GRIP1: variants seen among roughly 807,000 people sequenced by gnomAD.
GRIP1 encodes glutamate receptor interacting protein 1, also known as glutamate receptor-interacting protein 1.
In GRIP1, 45 loss-of-function variants were observed where a neutral mutation model predicts 129.9. The observed-to-expected ratio is 0.35, with a 90% CI of 0.27 to 0.44. The LOEUF (loss-of-function observed/expected upper bound fraction) is 0.44. Ranked by LOEUF, GRIP1 falls within the 20% of genes least tolerant of loss-of-function variation. The pLI is 1.00. For missense variants in GRIP1, 1,196 were observed against 1,396.8 expected (o/e 0.86, Z 2.29); for synonymous variants, 530 against 520.8 (o/e 1.02, Z -0.24).
At chr12:66,406,557 G>A (rs534924703) in intron 15 of GRIP1, 129 bp from the exon 16 acceptor site, 1 of 910,624 alleles carries the variant, frequency 1.1e-6, no homozygotes, top group African/African-American at 1.6e-5. Context: ...TTTTTAAATT[G>A]TACTTCATTG....
At chr12:66,640,631 AAAG>A (rs1342260300) in intron 1 of GRIP1, among the ~76,000 whole-genome samples, 15 of 152,156 alleles carry the variant, frequency 9.9e-5, no homozygotes, top group African/African-American at 3.4e-4. Flanking sequence ...CATTCTTGAG[AAAG>A]AAGAACAACT....
intron 1 of GRIP1, among the ~76,000 whole-genome samples, chr12:66,824,270 T>C (rs2039370902): frequency 6.6e-6 from 1 of 152,100 alleles, no homozygotes; most frequent in Admixed American, 6.6e-5. Flanking sequence ...AAAGAAGCAG[T>C]AGTTACTGGT....
intron 1 of GRIP1, among the ~76,000 whole-genome samples, chr12:66,793,672 G>A (rs1432633937): frequency 2.6e-5 from 4 of 152,120 alleles, no homozygotes; most frequent in Non-Finnish European, 5.9e-5. Context: ...CCCATCACGA[G>A]GATGGAGGCT....
At chr12:66,354,099 G>T (rs915865319) in intron 23 of GRIP1, among the ~76,000 whole-genome samples, 2 of 152,158 alleles carry the variant, frequency 1.3e-5, no homozygotes, top group Non-Finnish European at 2.9e-5. Flanking sequence ...CTATGTAAAA[G>T]ACCTGAATGT....
chr12:66,455,474 T>C lies in GRIP1; in HGVS notation c.1289A>G (p.Tyr430Cys), dbSNP rs1290890672. The change falls in exon 11 of 25, where the codon TAC (tyrosine) becomes TGC (cysteine). Residue 430 changes from tyrosine (Y) to cysteine (C), a missense_variant. By Grantham distance (194) the Tyr-to-Cys change is radical. Around this residue, in one of 5 missense-constraint regions of GRIP1, gnomAD observed 508 missense variants for 587.0 expected, o/e 0.87. Coordinates refer to ENST00000359742, the MANE Select transcript of GRIP1 (RefSeq NM_001366722.1). ...LNMGTLPRSL[Y>C]STSPRGTMMR... The stretch of plus-strand genomic sequence containing the variant: ...CATGGTTCCACGTGGGCTGGTGGAG[T>C]AGAGGCTTCGAGGTAGAGTCCCCAT... 1 of 1,613,470 alleles carries C rather than the reference T, an allele frequency of 6.2e-7. No homozygotes were observed. The highest frequency in any genetic ancestry group is 1.3e-5 in the African/African-American group (1 of 74,808).
chr12:66,690,371 TACACACACACAC>T (rs112206335), intron 1 of GRIP1, among the ~76,000 whole-genome samples: 3 of 147,792 alleles, frequency 2.0e-5, no homozygotes, highest in Admixed American at 2.0e-4. Flanking sequence ...TCAATAATAT[TACACACACACAC>T]ACACACACAC....
rs564348691 is a variant in GRIP1, at chr12:66,554,579, G to A, written c.137-12629C>T. ...GTTTGGCCACAGGGGAGTAGAGCAC[G>A]AAGTGGGCCATTGGGGTTCCCATTC... On this transcript the variant is annotated intron_variant, in intron 2 of 24. Coordinates refer to ENST00000359742, the MANE Select transcript of GRIP1 (RefSeq NM_001366722.1). Among the ~76,000 whole-genome samples, 309 of 152,186 alleles carry A rather than the reference G, an allele frequency of 2.0e-3. 1 individual carries two copies. Among genetic ancestry groups the A allele is most frequent in the African/African-American group, 7.0e-3 (291 of 41,526 alleles).
At chr12:66,598,429 C>A (rs1000508186) in intron 1 of GRIP1, among the ~76,000 whole-genome samples, 2 of 152,194 alleles carry the variant, frequency 1.3e-5, no homozygotes, top group Non-Finnish European at 2.9e-5. Flanking sequence ...GATACCAATT[C>A]AATCAATATC....
At chr12:66,782,283 T>G (rs1161969534) in intron 1 of GRIP1, among the ~76,000 whole-genome samples, 1 of 152,286 alleles carries the variant, frequency 6.6e-6, no homozygotes, top group Non-Finnish European at 1.5e-5. Context: ...AGATCGGATT[T>G]TCAAGCCCTC....
intron 1 of GRIP1, among the ~76,000 whole-genome samples, chr12:66,607,863 T>C (rs1394378855): frequency 6.6e-6 from 1 of 152,210 alleles, no homozygotes; most frequent in Non-Finnish European, 1.5e-5. Context: ...TCATCCCTCC[T>C]GGCCTTGGAT....
At chr12:66,752,285 C>T (rs1425603340) in intron 1 of GRIP1, among the ~76,000 whole-genome samples, 4 of 152,084 alleles carry the variant, frequency 2.6e-5, no homozygotes, top group Non-Finnish European at 5.9e-5. Context: ...TATCAAATAC[C>T]TACATAGTCC....
chr12:66,442,063 C>T (rs2058485094), intron 13 of GRIP1, among the ~76,000 whole-genome samples: 1 of 152,302 alleles, frequency 6.6e-6, no homozygotes. Flanking sequence ...GGTTTTTCTG[C>T]TTCTGCTATT....
intron 1 of GRIP1, among the ~76,000 whole-genome samples, chr12:66,926,669 A>G (rs1592353162): frequency 6.6e-6 from 1 of 152,208 alleles, no homozygotes; most frequent in East Asian, 1.9e-4. Context: ...TAGGCCTTCA[A>G]GTTATTTTCC....
chr12:66,966,373 C>A (rs2041998647), intron 1 of GRIP1, among the ~76,000 whole-genome samples: 1 of 152,048 alleles, frequency 6.6e-6, no homozygotes, highest in South Asian at 2.1e-4. Flanking sequence ...ACAGTTTCAC[C>A]TATTTGTTTC....
chr12:66,519,285 T>C (rs2060934420), intron 5 of GRIP1, among the ~76,000 whole-genome samples: 1 of 152,236 alleles, frequency 6.6e-6, no homozygotes, highest in Non-Finnish European at 1.5e-5. Flanking sequence ...TTTAGCTTCT[T>C]TAGAAATTCC....
At chr12:66,739,045 A>G (rs547231365) in intron 1 of GRIP1, among the ~76,000 whole-genome samples, 17 of 152,278 alleles carry the variant, frequency 1.1e-4, no homozygotes, top group Non-Finnish European at 2.1e-4. Context: ...AAGTCAGTAC[A>G]TTCTCCAGTG....
chr12:66,848,856 T>C (rs2039863297), intron 1 of GRIP1, among the ~76,000 whole-genome samples: 1 of 152,156 alleles, frequency 6.6e-6, no homozygotes, highest in African/African-American at 2.4e-5. Context: ...ACTGAGGAAT[T>C]CACATCAACT....
chr12:66,501,817 A>C (rs921116833), intron 7 of GRIP1, among the ~76,000 whole-genome samples: 1 of 152,196 alleles, frequency 6.6e-6, no homozygotes, highest in African/African-American at 2.4e-5. Flanking sequence ...CTTCCCATTA[A>C]TTTAGTAAAT....
At chr12:66,878,206 C>T (rs975853029) in intron 1 of GRIP1, among the ~76,000 whole-genome samples, 1 of 152,132 alleles carries the variant, frequency 6.6e-6, no homozygotes, top group Middle Eastern at 3.4e-3. Context: ...TCCTACACTC[C>T]ATGTTCCTGC....
Sources: gnomAD v4.1 joint callset for allele counts (sites outside exome capture counted in the v4.1 genomes callset) on GRCh38, gnomAD v4.1.1 for gene constraint, gnomAD v4.1.1 regional missense constraint, MANE v1.5 for transcripts, NCBI Gene and HGNC (gene_info 2026-07-23, HGNC 2026-07-21) for gene names.